Variants in NEDD4 observed in about 807,000 individuals in gnomAD.
NEDD4 encodes the protein E3 ubiquitin-protein ligase NEDD4.
A neutral mutation model predicts 144.9 loss-of-function variants in NEDD4; 99 were observed. The ratio of observed to expected loss-of-function variants is 0.68; its 90% CI spans 0.58 to 0.81. The LOEUF (loss-of-function observed/expected upper bound fraction) is 0.81. Among genes scored for constraint, NEDD4 ranks in the 30% least tolerant of loss-of-function variants. The pLI is 0.00. For missense variants in NEDD4, 985 were observed against 1,065.9 expected (o/e 0.92, Z 1.06); for synonymous variants, 318 against 350.6 (o/e 0.91, Z 1.04).
chr15:55,870,954 T>C (rs938768146), intron 7 of NEDD4, among the ~76,000 whole-genome samples: 1 of 152,190 alleles, frequency 6.6e-6, no homozygotes, highest in Non-Finnish European at 1.5e-5. Context: ...ATATCAGATA[T>C]GTAGCAATTA....
chr15:55,862,168 G>A (rs1991404), intron 9 of NEDD4, among the ~76,000 whole-genome samples: 152,245 of 152,280 alleles, frequency 1, 76,105 homozygotes, highest in Non-Finnish European at 1. Flanking sequence ...GAAAATATCT[G>A]TAAAAGTGCT....
At chr15:55,989,270 T>G (rs1202994738) in intron 1 of NEDD4, among the ~76,000 whole-genome samples, 3 of 152,214 alleles carry the variant, frequency 2.0e-5, no homozygotes, top group African/African-American at 7.2e-5. Flanking sequence ...TAAATTATTT[T>G]AAAAATACAC....
At chr15:55,900,046 T>A (rs1263931489) in intron 5 of NEDD4, among the ~76,000 whole-genome samples, 2 of 151,836 alleles carry the variant, frequency 1.3e-5, no homozygotes, top group African/African-American at 4.8e-5. Flanking sequence ...CACACCACAC[T>A]GTGTTCAGAA....
At chr15:55,900,975 ATGTT>A (rs1447096770) in intron 5 of NEDD4, among the ~76,000 whole-genome samples, 7 of 152,162 alleles carry the variant, frequency 4.6e-5, no homozygotes, top group African/African-American at 7.2e-5. Flanking sequence ...ACAAAATAAG[ATGTT>A]TATTTTAATG....
chr15:55,906,833 C>T (rs1453306827), intron 5 of NEDD4, among the ~76,000 whole-genome samples: 1 of 152,094 alleles, frequency 6.6e-6, no homozygotes, highest in Admixed American at 6.5e-5. Flanking sequence ...CAGTGGCTCA[C>T]GCCCATAATC....
chr15:55,892,859 G>A (rs1387622131), intron 5 of NEDD4, among the ~76,000 whole-genome samples: 1 of 151,994 alleles, frequency 6.6e-6, no homozygotes, highest in Admixed American at 6.6e-5. Context: ...GCTATTATAT[G>A]GTACAGCAAA....
At chr15:55,869,046 C>A (rs2034683294) in intron 8 of NEDD4, among the ~76,000 whole-genome samples, 1 of 152,144 alleles carries the variant, frequency 6.6e-6, no homozygotes, top group South Asian at 2.1e-4. Flanking sequence ...TGTAACTCTA[C>A]ACAAATCTTG....
intron 18 of NEDD4, among the ~76,000 whole-genome samples, chr15:55,844,510 C>A (rs1477718629): frequency 6.6e-6 from 1 of 152,228 alleles, no homozygotes; most frequent in African/African-American, 2.4e-5. Context: ...GAGTAGTAGA[C>A]AAGTGCATGC....
intron 5 of NEDD4, among the ~76,000 whole-genome samples, chr15:55,918,079 C>T (rs1285740509): frequency 1.3e-5 from 2 of 152,038 alleles, no homozygotes; most frequent in African/African-American, 4.8e-5. Context: ...AAATACAAAC[C>T]AAGCTGCACA....
chr15:55,955,953 C>G (rs1233539836), intron 2 of NEDD4, among the ~76,000 whole-genome samples: 1 of 151,446 alleles, frequency 6.6e-6, no homozygotes, highest in African/African-American at 2.4e-5. Flanking sequence ...GTAGCTGGGA[C>G]CACAGGTGTG....
chr15:55,947,480 C>T (rs1247693076), intron 4 of NEDD4, among the ~76,000 whole-genome samples: 1 of 152,154 alleles, frequency 6.6e-6, no homozygotes, highest in East Asian at 1.9e-4. Flanking sequence ...AGTTGAATCT[C>T]TGAATAGACC....
intron 6 of NEDD4, among the ~76,000 whole-genome samples, chr15:55,873,495 C>T (rs1485398572): frequency 6.6e-6 from 1 of 152,124 alleles, no homozygotes; most frequent in African/African-American, 2.4e-5. Flanking sequence ...TTACTTCTTG[C>T]TTATTTTCTT....
intron 27 of NEDD4, 81 bp downstream of exon 27, chr15:55,832,927 T>C (rs2033022341): frequency 2.1e-6 from 2 of 937,458 alleles, no homozygotes; most frequent in East Asian, 2.4e-5. Context: ...TAGTAAATGA[T>C]GGAAGCTTGC....
chr15:55,939,120 C>CAAGAAACA (rs1555405991), intron 4 of NEDD4, among the ~76,000 whole-genome samples: 1 of 150,878 alleles, frequency 6.6e-6, no homozygotes, highest in Non-Finnish European at 1.5e-5. Context: ...ACAACAACAA[C>CAAGAAACA]AACAAACAAA....
chr15:55,934,426 G>T (rs144970052), intron 4 of NEDD4, among the ~76,000 whole-genome samples: 1 of 152,062 alleles, frequency 6.6e-6, no homozygotes, highest in African/African-American at 2.4e-5. Flanking sequence ...ACATTGGTGC[G>T]CAAGTTTTCT....
intron 5 of NEDD4, among the ~76,000 whole-genome samples, chr15:55,901,540 G>A (rs1286255673): frequency 6.6e-6 from 1 of 152,104 alleles, no homozygotes; most frequent in African/African-American, 2.4e-5. Flanking sequence ...TGGCTTAATT[G>A]TTAATAGGCT....
intron 19 of NEDD4, among the ~76,000 whole-genome samples, chr15:55,841,299 A>G (rs543994427): frequency 6.6e-6 from 1 of 152,348 alleles, no homozygotes; most frequent in South Asian, 2.1e-4. Flanking sequence ...ACATTCTGAT[A>G]CATACTACAA....
At chr15:55,974,242 A>T (rs1320012249) in intron 1 of NEDD4, among the ~76,000 whole-genome samples, 1 of 152,160 alleles carries the variant, frequency 6.6e-6, no homozygotes, top group East Asian at 1.9e-4. Context: ...ACATAAAAAG[A>T]CCAGTAACAA....
chr15:55,859,016 C>G (rs747569297), intron 11 of NEDD4, among the ~76,000 whole-genome samples: 1 of 152,138 alleles, frequency 6.6e-6, no homozygotes, highest in East Asian at 1.9e-4. Context: ...GAATGTAAGT[C>G]CCATGAAGGC....
Sources: gnomAD v4.1 joint callset for allele counts (sites outside exome capture counted in the v4.1 genomes callset) on GRCh38, gnomAD v4.1.1 for gene constraint, MANE v1.5 for transcripts, NCBI Gene and HGNC (gene_info 2026-07-23, HGNC 2026-07-21) for gene names.